The following SPIRE1 variants were observed in gnomAD, a reference collection of about 807,000 sequenced individuals.
SPIRE1 encodes spire type actin nucleation factor 1.
SPIRE1 carries 40 observed loss-of-function variants against 94.1 expected under a neutral mutation model. That is an observed-to-expected ratio of 0.43 (90% CI 0.33 to 0.55). The LOEUF (loss-of-function observed/expected upper bound fraction) is 0.55. Among genes scored for constraint, SPIRE1 ranks in the 20% least tolerant of loss-of-function variants. SPIRE1 has a pLI of 0.06. For missense variants in SPIRE1, 838 were observed against 975.2 expected (o/e 0.86, Z 1.87); for synonymous variants, 376 against 371.7 (o/e 1.01, Z -0.13).
intron 4 of SPIRE1, among the ~76,000 whole-genome samples, chr18:12,533,968 C>CACA (rs1491242694): frequency 2.1e-5 from 3 of 145,798 alleles, no homozygotes; most frequent in African/African-American, 2.5e-5. Context: ...CACACACACA[C>CACA]AACTTATTTA....
chr18:12,483,863 T>C (rs2032937204), intron 9 of SPIRE1, among the ~76,000 whole-genome samples: 1 of 152,130 alleles, frequency 6.6e-6, no homozygotes, highest in South Asian at 2.1e-4. Context: ...TAATTAATAG[T>C]TAAAATGCAA....
intron 2 of SPIRE1, among the ~76,000 whole-genome samples, chr18:12,622,688 C>T (rs1276206719): frequency 6.6e-6 from 1 of 152,190 alleles, no homozygotes; most frequent in African/African-American, 2.4e-5. Context: ...TCCCAAAGTG[C>T]TGGGATTACA....
chr18:12,541,627 T>C (rs542091326), intron 3 of SPIRE1, among the ~76,000 whole-genome samples: 1 of 152,290 alleles, frequency 6.6e-6, no homozygotes, highest in Admixed American at 6.5e-5. Flanking sequence ...ATAATGTCTG[T>C]GATACTTTTC....
chr18:12,550,773 A>G (rs2035327026), intron 2 of SPIRE1, among the ~76,000 whole-genome samples: 1 of 152,188 alleles, frequency 6.6e-6, no homozygotes, highest in Admixed American at 6.5e-5. Flanking sequence ...CAATCTCTAT[A>G]TATGAAGTTT....
At chr18:12,560,738 G>C (rs2035657846) in intron 2 of SPIRE1, among the ~76,000 whole-genome samples, 1 of 152,136 alleles carries the variant, frequency 6.6e-6, no homozygotes, top group Admixed American at 6.5e-5. Flanking sequence ...TATAATCCCA[G>C]CTACTTGGAA....
In SPIRE1 at chr18:12,449,447, G is replaced by C. The variant is rs1390199029; in HGVS notation, c.*191C>G. On this transcript the variant is annotated 3_prime_UTR_variant, in exon 17 of 17. Coordinates refer to ENST00000409402, the MANE Select transcript of SPIRE1 (RefSeq NM_001128626.2). ...TCTCAGTGCAAACGAGCAATTGGCG[G>C]ACCTGTCACGTTTCATCAATCGATA... is the stretch of plus-strand genomic sequence containing the variant. 1 of 628,918 alleles carries C rather than the reference G, an allele frequency of 1.6e-6. No individual in the cohort carries two copies. The highest frequency in any genetic ancestry group is 1.8e-5 in the African/African-American group (1 of 54,476). The allele number at this position is 628,918 out of a possible 1,614,324, so 39.0% of individuals were successfully genotyped here. A position where few individuals can be genotyped will look rare whatever the true frequency, so the allele number is the denominator to read the frequency against.
intron 2 of SPIRE1, among the ~76,000 whole-genome samples, chr18:12,582,951 G>A (rs1216816807): frequency 1.3e-5 from 2 of 152,176 alleles, no homozygotes; most frequent in Non-Finnish European, 1.5e-5. Flanking sequence ...ACAGTGAACC[G>A]CCCAGTGGGG....
At chr18:12,519,568 A>G (rs893623402) in intron 4 of SPIRE1, among the ~76,000 whole-genome samples, 5 of 151,898 alleles carry the variant, frequency 3.3e-5, no homozygotes, top group South Asian at 2.1e-4. Flanking sequence ...CCATTAAAAT[A>G]TCACAGACAA....
chr18:12,539,586 C>T (rs931855739), intron 3 of SPIRE1, among the ~76,000 whole-genome samples: 37 of 144,948 alleles, frequency 2.6e-4, no homozygotes, highest in Non-Finnish European at 4.2e-4. Context: ...TACACACACA[C>T]GCACACACAC....
At chr18:12,604,470 G>A (rs1422121337) in intron 2 of SPIRE1, among the ~76,000 whole-genome samples, 1 of 152,048 alleles carries the variant, frequency 6.6e-6, no homozygotes, top group African/African-American at 2.4e-5. Flanking sequence ...TTTTTCCAGA[G>A]GAAAGTTCTG....
intron 2 of SPIRE1, among the ~76,000 whole-genome samples, chr18:12,556,730 G>A (rs1298698123): frequency 3.3e-5 from 5 of 152,154 alleles, no homozygotes; most frequent in Admixed American, 3.3e-4. Context: ...GCTGGCTTCA[G>A]GAGTGAAGCT....
At chr18:12,569,170 C>G (rs2035892471) in intron 2 of SPIRE1, among the ~76,000 whole-genome samples, 1 of 151,988 alleles carries the variant, frequency 6.6e-6, no homozygotes, top group Non-Finnish European at 1.5e-5. Flanking sequence ...GAAACCCTGT[C>G]TCTACTAAAA....
At chr18:12,656,839 C>T (rs947354844) in intron 1 of SPIRE1, 5 of 199,596 alleles carry the variant, frequency 2.5e-5, no homozygotes, top group African/African-American at 1.2e-4. Context: ...ATCCTGTCAA[C>T]TTTTCACTTT....
rs142274527 is a variant in SPIRE1, at chr18:12,648,851, T to C, written c.337+8679A>G. Among the ~76,000 whole-genome samples, 374 of 131,972 alleles carry C rather than the reference T, an allele frequency of 2.8e-3. 15 individuals are homozygous for C. The East Asian group carries it at 0.067, about 24-fold the overall frequency. 86.6% of individuals were successfully genotyped at this position (131,972 alleles called of 152,430 possible). The stretch of plus-strand genomic sequence containing the variant: ...GTTATGGTGAGCCAAGATCGCGCCA[T>C]TGCACTCCAGCCTGGACAAGAAGAG... On this transcript the variant is annotated intron_variant, in intron 1 of 16. Coordinates refer to ENST00000409402, the MANE Select transcript of SPIRE1 (RefSeq NM_001128626.2).
At chr18:12,648,907 A>G (rs1022416815) in intron 1 of SPIRE1, among the ~76,000 whole-genome samples, 29 of 151,100 alleles carry the variant, frequency 1.9e-4, no homozygotes, top group South Asian at 4.2e-4. Context: ...AAAAAAAAAA[A>G]AAAAGAAAAA....
intron 2 of SPIRE1, among the ~76,000 whole-genome samples, chr18:12,590,777 T>C (rs1285743412): frequency 2.0e-5 from 3 of 152,112 alleles, no homozygotes; most frequent in African/African-American, 4.8e-5. Context: ...GGCAAGAAGG[T>C]TGGCAGGAGA....
intron 4 of SPIRE1, among the ~76,000 whole-genome samples, chr18:12,531,238 C>T (rs1251057143): frequency 1.3e-5 from 2 of 152,090 alleles, no homozygotes; most frequent in East Asian, 3.9e-4. Context: ...ATGGTACCCC[C>T]CCATCCCATT....
chr18:12,486,963 G>A (rs530151243), intron 8 of SPIRE1, among the ~76,000 whole-genome samples: 2 of 152,216 alleles, frequency 1.3e-5, no homozygotes, highest in East Asian at 3.9e-4. Flanking sequence ...AGCAATTCTT[G>A]TGCCTCAGCC....
intron 2 of SPIRE1, among the ~76,000 whole-genome samples, chr18:12,561,661 G>C (rs1306110546): frequency 6.6e-6 from 1 of 152,062 alleles, no homozygotes; most frequent in African/African-American, 2.4e-5. Context: ...AAATCTTTAA[G>C]GTTAGCTGTG....
Sources: gnomAD v4.1 joint callset for allele counts (sites outside exome capture counted in the v4.1 genomes callset) on GRCh38, gnomAD v4.1.1 for gene constraint, MANE v1.5 for transcripts, NCBI Gene and HGNC (gene_info 2026-07-23, HGNC 2026-07-21) for gene names.